TOM1L1: variants seen among roughly 807,000 people sequenced by gnomAD.
The protein encoded by TOM1L1 is TOM1-like protein 1.
Under a neutral mutation model 63.4 loss-of-function variants are expected in TOM1L1, and 64 were observed. The observed-to-expected ratio is 1.01, with a 90% CI of 0.83 to 1.24. The LOEUF (loss-of-function observed/expected upper bound fraction) is 1.24. Among genes scored for constraint, TOM1L1 ranks in the 50% most tolerant of loss-of-function variants. The pLI, the probability that TOM1L1 is intolerant of heterozygous loss-of-function variation, is 0.00. For synonymous variants in TOM1L1, 166 were observed against 194.4 expected (o/e 0.85, Z 1.22); for missense variants, 536 against 567.0 (o/e 0.95, Z 0.55).
At chr17:54,951,319 CCA>C (rs2049229419) in intron 14 of TOM1L1, among the ~76,000 whole-genome samples, 2 of 152,206 alleles carry the variant, frequency 1.3e-5, no homozygotes, top group Admixed American at 1.3e-4. Context: ...CCAGGTACCT[CCA>C]CGTGTTCAGC....
chr17:54,915,661 T>C, intron 6 of TOM1L1, 85 bp from the exon 7 acceptor site: 1 of 913,276 alleles, frequency 1.1e-6, no homozygotes, highest in Non-Finnish European at 1.6e-6. Context: ...CATTTTTTCA[T>C]CCAGCAAATG....
At chr17:54,957,310 T>C (rs2049563574) in intron 14 of TOM1L1, 1 of 152,248 alleles carries the variant, frequency 6.6e-6, no homozygotes, top group African/African-American at 2.4e-5. Flanking sequence ...CTAACTCAGG[T>C]TTGAGAAATT....
chr17:54,957,737 G>C (rs1260665607), intron 14 of TOM1L1: 1 of 152,116 alleles, frequency 6.6e-6, no homozygotes, highest in Non-Finnish European at 1.5e-5. Flanking sequence ...GACAATTTTT[G>C]CTCTACCAGG....
At chr17:54,914,579 C>A in intron 5 of TOM1L1, 60 bp from the exon 6 acceptor site, 2 of 1,398,574 alleles carry the variant, frequency 1.4e-6, no homozygotes, top group Non-Finnish European at 2.0e-6. Context: ...ATGGAAAAAA[C>A]TTGGCGTTGG....
At chr17:54,912,594 A>G (rs1046853829) in intron 3 of TOM1L1, 72 bp from the exon 4 acceptor site, 47 of 1,289,892 alleles carry the variant, frequency 3.6e-5, no homozygotes, top group Middle Eastern at 4.4e-4. Flanking sequence ...ATTATTTAGC[A>G]GTTTTTCCCT....
chr17:54,902,117 C>T (rs962860814), intron 1 of TOM1L1, among the ~76,000 whole-genome samples: 22 of 152,202 alleles, frequency 1.4e-4, no homozygotes, highest in Middle Eastern at 3.4e-3. Flanking sequence ...GTAGAGAAGA[C>T]GGGCACAGTT....
At chr17:54,923,701 A>G (rs924592604) in intron 7 of TOM1L1, among the ~76,000 whole-genome samples, 4 of 151,888 alleles carry the variant, frequency 2.6e-5, no homozygotes, top group East Asian at 3.9e-4. Context: ...GCCTGCCACC[A>G]TGCCTGGCTA....
intron 12 of TOM1L1, among the ~76,000 whole-genome samples, chr17:54,948,870 T>A (rs747162504): frequency 2.0e-5 from 3 of 152,238 alleles, no homozygotes; most frequent in Non-Finnish European, 2.9e-5. Context: ...GATTTAAATT[T>A]TTTTTTTCCT....
intron 7 of TOM1L1, chr17:54,917,531 AAC>A (rs1022742209): frequency 2.0e-5 from 3 of 152,196 alleles, no homozygotes; most frequent in African/African-American, 7.2e-5. Context: ...GGATTTTTAT[AAC>A]AGTTCTTTCA....
rs2049191607 is a variant in TOM1L1, at chr17:54,950,107, G to C, written c.1351G>C (p.Ala451Pro). The C allele has an allele frequency of 2.5e-6, 4 of 1,613,076 alleles. No individual in the cohort carries two copies. Among genetic ancestry groups the C allele is most frequent in the Non-Finnish European group, 3.4e-6 (4 of 1,179,186 alleles). ...YYEVMEFDPLAPAVTTEAIYE... is the reference protein window; with the variant it reads ...YYEVMEFDPLPPAVTTEAIYE... Reference sequence around the variant, plus strand: ...CGAGGTAATGGAGTTTGATCCCTTAGCTCCTGCTGTCACTACAGAGTAAGT... The same window carrying C: ...CGAGGTAATGGAGTTTGATCCCTTACCTCCTGCTGTCACTACAGAGTAAGT... Residue 451 changes from alanine (A) to proline (P), a missense_variant, in exon 14 of 16, where the codon GCT becomes CCT. Ala to Pro is a conservative substitution (Grantham distance 27). Transcript: ENST00000575882.
intron 7 of TOM1L1, chr17:54,916,818 C>G (rs1768425975): frequency 6.6e-6 from 1 of 152,146 alleles, no homozygotes; most frequent in Admixed American, 6.5e-5. Flanking sequence ...TGCTGCAGTA[C>G]ACCCATGTTG....
intron 11 of TOM1L1, among the ~76,000 whole-genome samples, chr17:54,941,334 AAAG>A (rs2049030197): frequency 6.6e-6 from 1 of 152,218 alleles, no homozygotes; most frequent in Admixed American, 6.5e-5. Context: ...GGAAAATGAG[AAAG>A]AAGAATCAAA....
At chr17:54,903,509 A>G (rs1326189890) in intron 1 of TOM1L1, among the ~76,000 whole-genome samples, 199 bp from the exon 2 acceptor site, 1 of 152,262 alleles carries the variant, frequency 6.6e-6, no homozygotes, top group Non-Finnish European at 1.5e-5. Flanking sequence ...GTCACTCATT[A>G]CTGTTGCTGC....
chr17:54,914,847 AC>A (rs1290010000), intron 6 of TOM1L1, 104 bp downstream of exon 6: 1 of 882,570 alleles, frequency 1.1e-6, no homozygotes. Flanking sequence ...ATGTAGGTAC[AC>A]TCATTTCACA....
chr17:54,913,920 T>G (rs776706517), intron 5 of TOM1L1, 47 bp downstream of exon 5: 1 of 1,562,046 alleles, frequency 6.4e-7, no homozygotes, highest in Admixed American at 1.9e-5. Flanking sequence ...AGTGTATCAC[T>G]TGGGTCTTTT....
At position 54,914,886 on chromosome 17, in the gene TOM1L1, T is replaced by C. The variant is rs2048562047; in HGVS notation, c.603+143T>C. On this transcript the variant is annotated intron_variant, in intron 6 of 15. Transcript: ENST00000575882. ...GGAAGAGACTGAGGCTTAGTAATAC[T>C]ATGTGACTTACCATAGTTCAGTTCC... is the stretch of plus-strand genomic sequence containing the variant. The C allele has an allele frequency of 1.0e-5, 7 of 698,650 alleles. No homozygotes were observed. In the South Asian group the frequency reaches 1.2e-4, roughly 11 times the overall value. 43.3% of individuals were successfully genotyped at this position (698,650 alleles called of 1,614,324 possible). A position where few individuals can be genotyped will look rare whatever the true frequency, so the allele number is the denominator to read the frequency against.
intron 3 of TOM1L1, among the ~76,000 whole-genome samples, chr17:54,910,604 CTT>C (rs2048482748): frequency 6.6e-6 from 1 of 152,222 alleles, no homozygotes; most frequent in African/African-American, 2.4e-5. Context: ...GCTAGAAGCA[CTT>C]TTCCTTTTAG....
chr17:54,912,736 A>G lies in TOM1L1; in HGVS notation c.293A>G (p.Lys98Arg). Residue 98 changes from lysine to arginine, a missense_variant, in exon 4 of 16, where the codon AAA becomes AGA. Transcript: ENST00000575882. ...CTGATTGTGAAGAAGGAATTTGTTA[A>G]AGAGAATTTAGTTAAGCTACTGAAT... ...QSLIVKKEFV[K>R]ENLVKLLNPR... 6.2e-7 allele frequency: 1 copy of G among 1,612,012 alleles called. No individual in the cohort carries two copies. Among genetic ancestry groups the G allele is most frequent in the Non-Finnish European group, 8.5e-7 (1 of 1,179,350 alleles).
In TOM1L1 at chr17:54,938,939, G is replaced by A. The variant is rs536666057; in HGVS notation, c.1049G>A (p.Ser350Asn). 1.9e-6 allele frequency: 3 copies of A among 1,609,282 alleles called. No individual in the cohort carries two copies. The highest frequency in any genetic ancestry group is 1.7e-5 in the Admixed American group (1 of 59,414). Residue 350 changes from serine to asparagine, a missense_variant, in exon 11 of 16, where the codon AGT (serine) becomes AAT (asparagine). By Grantham distance (46) the Ser-to-Asn change is conservative. Coordinates refer to ENST00000575882, the MANE Select transcript of TOM1L1 (RefSeq NM_005486.3). ...QLSGLNFSLPSSDVTNNLKPS... is the reference protein window; with the variant it reads ...QLSGLNFSLPNSDVTNNLKPS... ...TGTGTTTTAGATTTCAGCCTTCCAA[G>A]TTCTGATGTAACAAACAACTTAAAA...
Sources: gnomAD v4.1 joint callset for allele counts (sites outside exome capture counted in the v4.1 genomes callset) on GRCh38, gnomAD v4.1.1 for gene constraint, MANE v1.5 for transcripts, NCBI Gene and HGNC (gene_info 2026-07-23, HGNC 2026-07-21) for gene names.